Variants in AGBL4 observed in about 807,000 individuals in gnomAD.
AGBL4 encodes cytosolic carboxypeptidase 6.
AGBL4 carries 58 observed loss-of-function variants against 66.4 expected under a neutral mutation model. The observed-to-expected ratio is 0.87, with a 90% CI of 0.71 to 1.09. The LOEUF (loss-of-function observed/expected upper bound fraction) is 1.09, where lower values mean the gene tolerates loss of function less well. Among genes scored for constraint, AGBL4 ranks in the 50% least tolerant of loss-of-function variants. The probability of loss-of-function intolerance (pLI) is 0.00; values close to 1 mark genes in which losing one functional copy is unlikely to be tolerated. For synonymous variants in AGBL4, 234 were observed against 222.9 expected (o/e 1.05, Z -0.44); for missense variants, 579 against 631.0 (o/e 0.92, Z 0.88).
At chr1:48,574,620 G>T (rs376655702) in intron 11 of AGBL4, among the ~76,000 whole-genome samples, 1 of 150,638 alleles carries the variant, frequency 6.6e-6, no homozygotes, top group Admixed American at 6.6e-5. Context: ...AAACTGCATG[G>T]ATTGAGAGCA....
chr1:48,599,007 A>AT (rs1301423673), intron 9 of AGBL4, among the ~76,000 whole-genome samples: 3 of 151,828 alleles, frequency 2.0e-5, no homozygotes, highest in Admixed American at 6.6e-5. Context: ...ATTTTTAAAC[A>AT]TTTTTTGTTG....
chr1:49,633,066 C>A (rs1354715688), intron 3 of AGBL4, among the ~76,000 whole-genome samples: 1 of 151,208 alleles, frequency 6.6e-6, no homozygotes, highest in African/African-American at 2.4e-5. Flanking sequence ...GAGCAAGACT[C>A]CATCTCAAAA....
At chr1:49,889,193 G>C (rs1015774428) in intron 1 of AGBL4, among the ~76,000 whole-genome samples, 6 of 152,092 alleles carry the variant, frequency 3.9e-5, no homozygotes, top group Non-Finnish European at 8.8e-5. Flanking sequence ...GTTTTCATCA[G>C]CCAAGTGTGG....
chr1:49,381,402 T>G (rs1644605858), intron 3 of AGBL4, among the ~76,000 whole-genome samples: 1 of 152,232 alleles, frequency 6.6e-6, no homozygotes, highest in Admixed American at 6.5e-5. Context: ...TTGGTGGGAC[T>G]GTAAACTAGT....
At chr1:49,973,364 G>A (rs1343650410) in intron 1 of AGBL4, among the ~76,000 whole-genome samples, 1 of 152,044 alleles carries the variant, frequency 6.6e-6, no homozygotes, top group Non-Finnish European at 1.5e-5. Context: ...AATTTAAAAT[G>A]CAGTTTCTCA....
intron 4 of AGBL4, among the ~76,000 whole-genome samples, chr1:49,239,580 T>A (rs1294363074): frequency 6.6e-6 from 1 of 151,990 alleles, no homozygotes; most frequent in Non-Finnish European, 1.5e-5. Context: ...AATGAAAAGA[T>A]CAACATACAA....
chr1:49,286,282 TTCCC>T (rs1644407383), intron 3 of AGBL4, among the ~76,000 whole-genome samples: 1 of 151,868 alleles, frequency 6.6e-6, no homozygotes, highest in East Asian at 1.9e-4. Context: ...ACTGGAAGCA[TTCCC>T]TTTGAAAACT....
At chr1:49,441,498 T>A (rs963629307) in intron 3 of AGBL4, among the ~76,000 whole-genome samples, 1 of 152,134 alleles carries the variant, frequency 6.6e-6, no homozygotes, top group African/African-American at 2.4e-5. Context: ...AAGATCCAAA[T>A]GTTTAGGGAG....
At chr1:49,163,567 G>C (rs547190775) in intron 4 of AGBL4, among the ~76,000 whole-genome samples, 21 of 152,218 alleles carry the variant, frequency 1.4e-4, no homozygotes, top group African/African-American at 4.8e-4. Context: ...AATGCAAAAG[G>C]CTCCCCAGTT....
chr1:49,206,859 T>A (rs1277959224), intron 4 of AGBL4, among the ~76,000 whole-genome samples: 1 of 63,872 alleles, frequency 1.6e-5, no homozygotes, highest in African/African-American at 7.0e-5. Context: ...AGACTTTAGA[T>A]GGAGAGGAGA....
chr1:49,374,351 A>C (rs959533157), intron 3 of AGBL4: 3 of 151,986 alleles, frequency 2.0e-5, no homozygotes, highest in Non-Finnish European at 4.4e-5. Context: ...AATCCTAAAA[A>C]AAAAAAACAA....
chr1:48,789,383 G>T (rs1645487246), intron 6 of AGBL4, among the ~76,000 whole-genome samples: 1 of 151,850 alleles, frequency 6.6e-6, no homozygotes, highest in African/African-American at 2.4e-5. Flanking sequence ...CCGCCTCCTG[G>T]GTTCATGCCA....
intron 9 of AGBL4, among the ~76,000 whole-genome samples, chr1:48,622,857 A>T (rs531128707): frequency 4.6e-5 from 7 of 152,302 alleles, no homozygotes; most frequent in African/African-American, 1.7e-4. Context: ...GCCTTAAGTA[A>T]GTCACAGGCA....
chr1:49,973,104 T>C (rs1658267537), intron 1 of AGBL4, among the ~76,000 whole-genome samples: 1 of 152,168 alleles, frequency 6.6e-6, no homozygotes, highest in South Asian at 2.1e-4. Context: ...GGTGCCTTTG[T>C]ATGAATTAGA....
At chr1:49,251,847 A>G (rs946244369) in intron 3 of AGBL4, among the ~76,000 whole-genome samples, 1 of 152,170 alleles carries the variant, frequency 6.6e-6, no homozygotes, top group Admixed American at 6.5e-5. Context: ...CCAGAAACGA[A>G]GCCAGTTGGC....
At chr1:48,894,233 T>A (rs533302237) in intron 5 of AGBL4, among the ~76,000 whole-genome samples, 22 of 152,342 alleles carry the variant, frequency 1.4e-4, no homozygotes, top group African/African-American at 5.3e-4. Context: ...AATAGTTACA[T>A]AAACTGAAAT....
At chr1:48,531,759 TG>T (rs1643907822), downstream of AGBL4, among the ~76,000 whole-genome samples, 1 of 3,712 alleles carries the variant, frequency 2.7e-4, no homozygotes, top group Non-Finnish European at 3.2e-3. Context: ...CCTCTTATTA[TG>T]TATGTATGTA....
intron 2 of AGBL4, among the ~76,000 whole-genome samples, chr1:49,838,686 A>G (rs1645913486): frequency 6.6e-6 from 1 of 152,354 alleles, no homozygotes; most frequent in Admixed American, 6.5e-5. Context: ...TATTTCTTCA[A>G]GTGTTATTTA....
intron 6 of AGBL4, among the ~76,000 whole-genome samples, chr1:48,781,949 G>C (rs1185621024): frequency 1.3e-5 from 2 of 152,194 alleles, no homozygotes; most frequent in Non-Finnish European, 2.9e-5. Flanking sequence ...CATGCCAGGC[G>C]CTGTGTATAC....
Sources: gnomAD v4.1 joint callset for allele counts (sites outside exome capture counted in the v4.1 genomes callset) on GRCh38, gnomAD v4.1.1 for gene constraint, MANE v1.5 for transcripts, NCBI Gene and HGNC (gene_info 2026-07-23, HGNC 2026-07-21) for gene names.